MTUS2: variants seen among roughly 807,000 people sequenced by gnomAD.
MTUS2 encodes the protein microtubule-associated tumor suppressor candidate 2.
MTUS2 carries 40 observed loss-of-function variants against 114.1 expected under a neutral mutation model. That is an observed-to-expected ratio of 0.35 (90% CI 0.27 to 0.46). The LOEUF (loss-of-function observed/expected upper bound fraction) is 0.46, where lower values mean the gene tolerates loss of function less well. Among genes scored for constraint, MTUS2 ranks in the 20% least tolerant of loss-of-function variants. The pLI is 1.00. For missense variants in MTUS2, 1,679 were observed against 1,705.4 expected (o/e 0.98, Z 0.27); for synonymous variants, 688 against 672.0 (o/e 1.02, Z -0.37).
At chr13:29,065,855 C>G (rs934117130) in intron 4 of MTUS2, among the ~76,000 whole-genome samples, 14 of 152,134 alleles carry the variant, frequency 9.2e-5, no homozygotes, top group Admixed American at 3.3e-4. Context: ...GTTAAAAGTA[C>G]TGAATGAAAG....
At chr13:29,194,414 C>G (rs1259468839) in intron 5 of MTUS2, among the ~76,000 whole-genome samples, 1 of 150,486 alleles carries the variant, frequency 6.6e-6, no homozygotes, top group Non-Finnish European at 1.5e-5. Flanking sequence ...AACAAACAAC[C>G]CCATCAAAAA....
intron 9 of MTUS2, among the ~76,000 whole-genome samples, chr13:29,451,978 G>A (rs559661423): frequency 5.3e-5 from 8 of 152,292 alleles, no homozygotes; most frequent in Non-Finnish European, 1.0e-4. Context: ...ACTAGGTCTG[G>A]GAATTACCTG....
intron 9 of MTUS2, among the ~76,000 whole-genome samples, chr13:29,462,036 G>A (rs748655370): frequency 1.3e-5 from 2 of 152,294 alleles, no homozygotes; most frequent in Middle Eastern, 3.4e-3. Flanking sequence ...CAAGTACAAA[G>A]GCCCTGAGGC....
intron 2 of MTUS2, among the ~76,000 whole-genome samples, chr13:28,951,006 A>G (rs1882782957): frequency 6.6e-6 from 1 of 152,234 alleles, no homozygotes; most frequent in African/African-American, 2.4e-5. Flanking sequence ...AGAAGGAAGT[A>G]AAATTATCTA....
intron 5 of MTUS2, among the ~76,000 whole-genome samples, chr13:29,202,788 T>C (rs996949157): frequency 6.6e-6 from 1 of 152,228 alleles, no homozygotes; most frequent in Non-Finnish European, 1.5e-5. Context: ...TGCTAGAGTT[T>C]GCTGGAGATC....
intron 5 of MTUS2, among the ~76,000 whole-genome samples, chr13:29,110,769 G>A (rs965473543): frequency 1.3e-5 from 2 of 151,980 alleles, no homozygotes; most frequent in African/African-American, 4.8e-5. Flanking sequence ...CAGATATCTG[G>A]ATCTAACTTA....
At chr13:29,222,925 C>T (rs563865601) in intron 5 of MTUS2, among the ~76,000 whole-genome samples, 76 of 152,356 alleles carry the variant, frequency 5.0e-4, no homozygotes, top group African/African-American at 1.8e-3. Flanking sequence ...CAGCTCTGAG[C>T]TGTCTCGGCC....
chr13:29,462,417 T>G (rs1056799116), intron 9 of MTUS2, among the ~76,000 whole-genome samples: 2 of 152,152 alleles, frequency 1.3e-5, no homozygotes, highest in African/African-American at 4.8e-5. Context: ...GTGCTGAGAT[T>G]AAATGGTACA....
chr13:28,937,136 G>A (rs61101948), intron 2 of MTUS2, among the ~76,000 whole-genome samples: 12,507 of 150,996 alleles, frequency 0.083, 589 homozygotes, highest in South Asian at 0.13. Context: ...TTCCTGGGTC[G>A]AGTGGGAACT....
At chr13:29,469,983 G>A (rs2138836534) in intron 9 of MTUS2, among the ~76,000 whole-genome samples, 1 of 152,170 alleles carries the variant, frequency 6.6e-6, no homozygotes, top group East Asian at 1.9e-4. Flanking sequence ...AAACATCAGT[G>A]CCCTTTAAAA....
intron 8 of MTUS2, among the ~76,000 whole-genome samples, chr13:29,437,629 C>G (rs910796364): frequency 6.6e-6 from 1 of 152,150 alleles, no homozygotes; most frequent in African/African-American, 2.4e-5. Flanking sequence ...AAAATCAGGG[C>G]AGACCAGGAA....
chr13:28,932,078 A>G (rs1039421760), intron 2 of MTUS2, among the ~76,000 whole-genome samples: 2 of 152,218 alleles, frequency 1.3e-5, no homozygotes, highest in African/African-American at 4.8e-5. Context: ...CCATCTAAGC[A>G]TGAAGTCAAG....
chr13:29,061,426 C>T (rs561999341), intron 4 of MTUS2, among the ~76,000 whole-genome samples: 10 of 152,296 alleles, frequency 6.6e-5, no homozygotes, highest in African/African-American at 2.4e-4. Flanking sequence ...CATAGCTGTT[C>T]TTTCCTCAAA....
chr13:29,371,985 C>G (rs1042264672), intron 8 of MTUS2, among the ~76,000 whole-genome samples: 1 of 54,164 alleles, frequency 1.8e-5, no homozygotes, highest in African/African-American at 5.5e-5. Context: ...CGCCCCCCCC[C>G]CCACACACAC....
At chr13:28,865,380 G>A (rs1009294514) in intron 2 of MTUS2, among the ~76,000 whole-genome samples, 7 of 152,162 alleles carry the variant, frequency 4.6e-5, no homozygotes, top group Non-Finnish European at 1.0e-4. Context: ...TCTTTCCCCA[G>A]TTCTTTGGGT....
At chr13:28,954,551 C>T (rs1319324930) in intron 2 of MTUS2, among the ~76,000 whole-genome samples, 1 of 152,050 alleles carries the variant, frequency 6.6e-6, no homozygotes, top group Non-Finnish European at 1.5e-5. Context: ...CATAGTGGCC[C>T]ATATGGGGAG....
chr13:29,169,924 T>A (rs547728189), intron 5 of MTUS2, among the ~76,000 whole-genome samples: 6 of 152,308 alleles, frequency 3.9e-5, no homozygotes, highest in Admixed American at 1.3e-4. Context: ...CCCAAACCTG[T>A]CACCTCTGTT....
chr13:29,403,642 G>T (rs530439427), intron 8 of MTUS2, among the ~76,000 whole-genome samples: 13 of 152,326 alleles, frequency 8.5e-5, no homozygotes, highest in African/African-American at 3.1e-4. Context: ...CTGACTGCCT[G>T]TGAAGTGGGA....
At chr13:29,315,682 T>C (rs895864056) in intron 6 of MTUS2, among the ~76,000 whole-genome samples, 1 of 152,080 alleles carries the variant, frequency 6.6e-6, no homozygotes, top group Non-Finnish European at 1.5e-5. Flanking sequence ...GTAGTGTCTG[T>C]TGTCTCTGTG....
Sources: gnomAD v4.1 joint callset for allele counts (sites outside exome capture counted in the v4.1 genomes callset) on GRCh38, gnomAD v4.1.1 for gene constraint, MANE v1.5 for transcripts, NCBI Gene and HGNC (gene_info 2026-07-23, HGNC 2026-07-21) for gene names.